NRXN3: variants seen among roughly 807,000 people sequenced by gnomAD.
The protein encoded by NRXN3 is neurexin III.
Under a neutral mutation model 137.6 loss-of-function variants are expected in NRXN3, and 32 were observed. That is an observed-to-expected ratio of 0.23 (90% CI 0.18 to 0.31). The LOEUF (loss-of-function observed/expected upper bound fraction) is 0.31. NRXN3 is among the 10% of genes least tolerant of loss of function. The probability of loss-of-function intolerance (pLI) is 1.00; values close to 1 mark genes in which losing one functional copy is unlikely to be tolerated. For synonymous variants in NRXN3, 798 were observed against 784.5 expected (o/e 1.02, Z -0.29); for missense variants, 1,574 against 2,062.5 (o/e 0.76, Z 4.59).
chr14:78,672,334 G>T (rs1459192456), intron 6 of NRXN3, among the ~76,000 whole-genome samples: 1 of 152,190 alleles, frequency 6.6e-6, no homozygotes, highest in African/African-American at 2.4e-5. Flanking sequence ...TCAATATATT[G>T]TTTGCTATTT....
chr14:79,728,135 G>A (rs1029306961), intron 19 of NRXN3, among the ~76,000 whole-genome samples: 2 of 152,186 alleles, frequency 1.3e-5, no homozygotes, highest in Non-Finnish European at 1.5e-5. Context: ...GTAGTCCTGC[G>A]GTATGTTAAC....
chr14:79,391,168 TA>T (rs200842360), intron 15 of NRXN3, among the ~76,000 whole-genome samples: 3,367 of 149,200 alleles, frequency 0.023, 56 homozygotes, highest in East Asian at 0.044. Flanking sequence ...TGGCCTACAT[TA>T]AAAAAAAAAT....
intron 4 of NRXN3, among the ~76,000 whole-genome samples, chr14:78,602,695 T>C (rs2097212191): frequency 6.6e-6 from 1 of 152,156 alleles, no homozygotes; most frequent in Admixed American, 6.5e-5. Context: ...ATTCCTACTC[T>C]GATTTCTCAA....
At chr14:78,973,656 T>C (rs1198300825) in intron 14 of NRXN3, among the ~76,000 whole-genome samples, 2 of 152,160 alleles carry the variant, frequency 1.3e-5, no homozygotes, top group African/African-American at 4.8e-5. Flanking sequence ...CAGAAACTAC[T>C]TCATCCACTA....
At chr14:79,748,008 G>C (rs1331616159) in intron 19 of NRXN3, among the ~76,000 whole-genome samples, 1 of 151,978 alleles carries the variant, frequency 6.6e-6, no homozygotes, top group African/African-American at 2.4e-5. Context: ...TGAACACGTA[G>C]ACATGGGGAG....
intron 15 of NRXN3, among the ~76,000 whole-genome samples, chr14:79,447,740 C>T (rs1007362592): frequency 2.6e-5 from 4 of 152,168 alleles, no homozygotes; most frequent in African/African-American, 9.7e-5. Flanking sequence ...GTCTTGAGTC[C>T]AGTAATTTTT....
intron 16 of NRXN3, among the ~76,000 whole-genome samples, chr14:79,556,955 AG>A (rs1366215073): frequency 1.3e-5 from 2 of 152,162 alleles, no homozygotes; most frequent in Non-Finnish European, 1.5e-5. Flanking sequence ...AAAACCTAAT[AG>A]TTCTCAAACA....
At chr14:79,292,735 ATG>A (rs1267881946) in intron 15 of NRXN3, among the ~76,000 whole-genome samples, 1 of 152,226 alleles carries the variant, frequency 6.6e-6, no homozygotes, top group African/African-American at 2.4e-5. Context: ...TTGAGTGAAT[ATG>A]TGTGTGTTTG....
intron 16 of NRXN3, among the ~76,000 whole-genome samples, chr14:79,483,853 G>A (rs1005185806): frequency 1.3e-5 from 2 of 152,084 alleles, no homozygotes; most frequent in Non-Finnish European, 2.9e-5. Context: ...AAACTCTACA[G>A]CTAACCGCCA....
chr14:79,771,284 C>T (rs1184575632), intron 19 of NRXN3, among the ~76,000 whole-genome samples: 1 of 152,190 alleles, frequency 6.6e-6, no homozygotes, highest in Non-Finnish European at 1.5e-5. Context: ...ATGAGGACAG[C>T]ATCATCCTGA....
intron 4 of NRXN3, among the ~76,000 whole-genome samples, chr14:78,426,273 C>G (rs1481259394): frequency 6.6e-6 from 1 of 152,208 alleles, no homozygotes; most frequent in Non-Finnish European, 1.5e-5. Context: ...GACACTAGGT[C>G]TGCTGTTGTT....
chr14:78,293,464 T>C (rs867466127), intron 3 of NRXN3, among the ~76,000 whole-genome samples: 2 of 152,106 alleles, frequency 1.3e-5, no homozygotes, highest in South Asian at 4.2e-4. Context: ...CCCTACTCCA[T>C]CCCACCTTCC....
chr14:78,855,703 C>G (rs973411319), intron 10 of NRXN3, among the ~76,000 whole-genome samples: 23 of 152,122 alleles, frequency 1.5e-4, no homozygotes, highest in African/African-American at 5.6e-4. Flanking sequence ...CAGTATTTTT[C>G]AAATTTAGCT....
chr14:79,807,555 C>A (rs916634626), intron 20 of NRXN3, among the ~76,000 whole-genome samples: 1 of 152,066 alleles, frequency 6.6e-6, no homozygotes, highest in Non-Finnish European at 1.5e-5. Flanking sequence ...TTTCTAGAGG[C>A]CACGCAGGTA....
chr14:78,693,665 G>A lies in NRXN3; in HGVS notation c.1222-15552G>A, dbSNP rs1325867682. ...TTTTCAAGTTGATTTTCGTGTGTGT[G>A]TGTGTGTGTGTGTGTGTGTGTGTGT... On this transcript the variant is annotated intron_variant, in intron 6 of 20. Coordinates refer to ENST00000335750, the MANE Select transcript of NRXN3 (RefSeq NM_001330195.2). Among the ~76,000 whole-genome samples the A allele has an allele frequency of 4.1e-5, 3 of 72,576 alleles. No individual in the cohort carries two copies. The Admixed American group carries it at 4.8e-4, about 12-fold the overall frequency. The allele number at this position is 72,576 out of a possible 152,430, so 47.6% of individuals were successfully genotyped here. A position where few individuals can be genotyped will look rare whatever the true frequency, so the allele number is the denominator to read the frequency against.
intron 15 of NRXN3, among the ~76,000 whole-genome samples, chr14:79,399,976 T>C (rs1032731157): frequency 6.6e-6 from 1 of 152,160 alleles, no homozygotes; most frequent in Non-Finnish European, 1.5e-5. Context: ...CAAGGCCTTC[T>C]TCCCTGTGCA....
At chr14:79,496,844 C>G (rs999011108) in intron 16 of NRXN3, among the ~76,000 whole-genome samples, 4 of 152,194 alleles carry the variant, frequency 2.6e-5, no homozygotes, top group Admixed American at 2.6e-4. Context: ...ATGAAGTCCT[C>G]AGGGAGTTAC....
intron 4 of NRXN3, among the ~76,000 whole-genome samples, chr14:78,349,647 G>A (rs1375279408): frequency 1.3e-5 from 2 of 152,148 alleles, no homozygotes; most frequent in Non-Finnish European, 2.9e-5. Flanking sequence ...TTCTCCAGCA[G>A]GACTGTAAGC....
chr14:78,717,074 T>C (rs1354090367), intron 8 of NRXN3, among the ~76,000 whole-genome samples: 38 of 152,308 alleles, frequency 2.5e-4, no homozygotes, highest in Non-Finnish European at 5.9e-5. Flanking sequence ...TGCCAAAGTG[T>C]TGCAGATCTT....
Sources: gnomAD v4.1 joint callset for allele counts (sites outside exome capture counted in the v4.1 genomes callset) on GRCh38, gnomAD v4.1.1 for gene constraint, MANE v1.5 for transcripts, NCBI Gene and HGNC (gene_info 2026-07-23, HGNC 2026-07-21) for gene names.